Variants in SORCS1 observed in about 807,000 individuals in gnomAD.
The protein encoded by SORCS1 is VPS10 domain-containing receptor SorCS1.
A neutral mutation model predicts 146.1 loss-of-function variants in SORCS1; 60 were observed. The ratio of observed to expected loss-of-function variants is 0.41; its 90% CI spans 0.33 to 0.51. The LOEUF (loss-of-function observed/expected upper bound fraction) is 0.51. Among genes scored for constraint, SORCS1 ranks in the 20% least tolerant of loss-of-function variants. The pLI, the probability that SORCS1 is intolerant of heterozygous loss-of-function variation, is 0.21. For synonymous variants in SORCS1, 637 were observed against 584.0 expected (o/e 1.09, Z -1.31); for missense variants, 1,352 against 1,487.6 (o/e 0.91, Z 1.50).
At chr10:106,669,450 A>G (rs1851419667) in intron 16 of SORCS1, among the ~76,000 whole-genome samples, 1 of 152,100 alleles carries the variant, frequency 6.6e-6, no homozygotes, top group South Asian at 2.1e-4. Context: ...AAGCTAAACC[A>G]CTAATGTAAG....
chr10:107,062,842 A>G (rs1338690338), intron 1 of SORCS1, among the ~76,000 whole-genome samples: 1 of 152,232 alleles, frequency 6.6e-6, no homozygotes, highest in African/African-American at 2.4e-5. Context: ...GTGTGAAGAC[A>G]CAGGTGTTTT....
chr10:107,015,345 C>A (rs552601127), intron 1 of SORCS1, among the ~76,000 whole-genome samples: 1 of 152,264 alleles, frequency 6.6e-6, no homozygotes, highest in African/African-American at 2.4e-5. Flanking sequence ...TGCCATCACA[C>A]ACACACACAA....
intron 3 of SORCS1, among the ~76,000 whole-genome samples, chr10:106,801,558 T>A (rs868779890): frequency 1.3e-4 from 19 of 142,440 alleles, no homozygotes; most frequent in African/African-American, 5.0e-4. Flanking sequence ...AGACGGAGTC[T>A]CGCTCTGTCT....
chr10:106,650,284 TAC>T (rs994350793), intron 18 of SORCS1, among the ~76,000 whole-genome samples: 7 of 152,196 alleles, frequency 4.6e-5, no homozygotes, highest in African/African-American at 1.4e-4. Context: ...GATTTCTGGG[TAC>T]AGAGGGCTTG....
chr10:106,882,292 CAA>C (rs935431276), intron 2 of SORCS1, among the ~76,000 whole-genome samples: 2 of 151,544 alleles, frequency 1.3e-5, no homozygotes, highest in Admixed American at 6.6e-5. Flanking sequence ...AAAAAATCAC[CAA>C]AAAAGTCTCA....
At chr10:106,941,325 C>G (rs1234684283) in intron 2 of SORCS1, among the ~76,000 whole-genome samples, 1 of 152,130 alleles carries the variant, frequency 6.6e-6, no homozygotes, top group Non-Finnish European at 1.5e-5. Flanking sequence ...AGGTGATCCA[C>G]ACTCAACATC....
At chr10:107,086,792 G>A (rs956231188) in intron 1 of SORCS1, among the ~76,000 whole-genome samples, 1 of 152,178 alleles carries the variant, frequency 6.6e-6, no homozygotes, top group African/African-American at 2.4e-5. Context: ...CACTTTGGGA[G>A]GCCAAGGCAG....
At chr10:106,713,298 CAAT>C (rs1409569965) in intron 6 of SORCS1, among the ~76,000 whole-genome samples, 1 of 152,146 alleles carries the variant, frequency 6.6e-6, no homozygotes, top group African/African-American at 2.4e-5. Context: ...TGGCTAAACA[CAAT>C]GAGAGTTTGA....
intron 1 of SORCS1, among the ~76,000 whole-genome samples, chr10:107,089,180 T>G (rs1322063761): frequency 6.6e-6 from 1 of 152,206 alleles, no homozygotes; most frequent in Admixed American, 6.5e-5. Context: ...TTTTTTAGAA[T>G]TTTACTTTTT....
chr10:106,577,153 G>T lies in SORCS1; in HGVS notation c.*267C>A. 1 of 1,325,762 alleles carries T rather than the reference G, an allele frequency of 7.5e-7. No individual in the cohort carries two copies. Among genetic ancestry groups the T allele is most frequent in the Non-Finnish European group, 1.0e-6 (1 of 992,712 alleles). The allele number at this position is 1,325,762 out of a possible 1,614,324, so 82.1% of individuals were successfully genotyped here. On this transcript the variant is annotated 3_prime_UTR_variant, in exon 26 of 26. Transcript: ENST00000263054. Reference sequence around the variant, plus strand: ...CAGTGAGTGTTTGTTTGTTTGTTTGGATTTTGATTGTTTATATTTTATGTT... The same window carrying T: ...CAGTGAGTGTTTGTTTGTTTGTTTGTATTTTGATTGTTTATATTTTATGTT...
intron 19 of SORCS1, 114 bp downstream of exon 19, chr10:106,629,088 C>T (rs1470156904): frequency 1.1e-6 from 1 of 889,118 alleles, no homozygotes; most frequent in South Asian, 1.9e-5. Context: ...TTCCCCATTC[C>T]CCTTCTGCTA....
At chr10:106,659,672 C>T (rs931156084) in intron 17 of SORCS1, among the ~76,000 whole-genome samples, 11 of 152,116 alleles carry the variant, frequency 7.2e-5, no homozygotes, top group East Asian at 1.9e-4. Context: ...ATGACTGGCA[C>T]GTCTGGGACT....
chr10:106,939,836 C>T (rs1042604625), intron 2 of SORCS1, among the ~76,000 whole-genome samples: 3 of 152,198 alleles, frequency 2.0e-5, no homozygotes, highest in African/African-American at 4.8e-5. Flanking sequence ...AGTACTATTG[C>T]TCTCATCTTC....
At chr10:107,178,768 G>A in the SORCS1 span, among the ~76,000 whole-genome samples, 1,471 of 152,134 alleles carry the variant, frequency 9.7e-3, 18 homozygotes, top group African/African-American at 0.033. Flanking sequence ...GATTACAGGC[G>A]TGAGCCACTG....
chr10:106,794,145 T>A (rs1946434458), intron 3 of SORCS1, among the ~76,000 whole-genome samples: 1 of 152,178 alleles, frequency 6.6e-6, no homozygotes, highest in African/African-American at 2.4e-5. Context: ...GAGCACTGTT[T>A]AACAGATTTT....
chr10:106,877,742 T>C (rs1294315797), intron 2 of SORCS1, among the ~76,000 whole-genome samples: 1 of 152,104 alleles, frequency 6.6e-6, no homozygotes, highest in Non-Finnish European at 1.5e-5. Context: ...GAGGAATTAC[T>C]CCTACAGATG....
intron 1 of SORCS1, among the ~76,000 whole-genome samples, chr10:107,025,128 T>TA (rs1273586722): frequency 6.6e-6 from 1 of 152,168 alleles, no homozygotes; most frequent in East Asian, 1.9e-4. Flanking sequence ...CATCAAAATC[T>TA]AAAAAATGAA....
intron 1 of SORCS1, among the ~76,000 whole-genome samples, chr10:107,041,795 A>T (rs1959166242): frequency 1.3e-5 from 2 of 152,142 alleles, no homozygotes; most frequent in East Asian, 1.9e-4. Context: ...CTTTCAGAGC[A>T]TGTGTCTCTG....
At chr10:107,137,983 A>AT (rs1285508863) in intron 1 of SORCS1, among the ~76,000 whole-genome samples, 1 of 152,162 alleles carries the variant, frequency 6.6e-6, no homozygotes, top group African/African-American at 2.4e-5. Flanking sequence ...TCTGACACCT[A>AT]TTACGTTCCT....
Sources: gnomAD v4.1 joint callset for allele counts (sites outside exome capture counted in the v4.1 genomes callset) on GRCh38, gnomAD v4.1.1 for gene constraint, MANE v1.5 for transcripts, NCBI Gene and HGNC (gene_info 2026-07-23, HGNC 2026-07-21) for gene names.